RSBN1L: variants seen among roughly 807,000 people sequenced by gnomAD.
RSBN1L encodes round spermatid basic protein 1 like.
In RSBN1L, 30 loss-of-function variants were observed where a neutral mutation model predicts 67.7. That is an observed-to-expected ratio of 0.44 (90% CI 0.33 to 0.60). The LOEUF (loss-of-function observed/expected upper bound fraction) is 0.60, where lower values mean the gene tolerates loss of function less well. Ranked by LOEUF, RSBN1L falls within the 20% of genes least tolerant of loss-of-function variation. The pLI, the probability that RSBN1L is intolerant of heterozygous loss-of-function variation, is 0.02. For synonymous variants in RSBN1L, 433 were observed against 387.0 expected, an observed-to-expected ratio of 1.12 and a Z score of -1.39; for missense variants, 992 against 1,031.7, an observed-to-expected ratio of 0.96 and a Z score of 0.53.
chr7:77,773,427 G>A (rs1041578274), intron 6 of RSBN1L, 113 bp downstream of exon 6: 16 of 692,186 alleles, frequency 2.3e-5, no homozygotes, highest in East Asian at 8.8e-5. Context: ...TTTTTTACCC[G>A]TATTTGGATA....
intron 1 of RSBN1L, among the ~76,000 whole-genome samples, chr7:77,717,873 G>T (rs1045848541): frequency 4.6e-5 from 7 of 152,166 alleles, no homozygotes; most frequent in African/African-American, 1.7e-4. Context: ...ATATAAATTA[G>T]CTGGGCGTGG....
At chr7:77,712,488 A>G (rs1162705134) in intron 1 of RSBN1L, among the ~76,000 whole-genome samples, 2 of 152,120 alleles carry the variant, frequency 1.3e-5, no homozygotes, top group African/African-American at 2.4e-5. Context: ...GATGTTGGCC[A>G]GGCTGGTCTT....
chr7:77,703,620 C>G (rs1790849307), intron 1 of RSBN1L, among the ~76,000 whole-genome samples: 1 of 150,148 alleles, frequency 6.7e-6, no homozygotes, highest in East Asian at 2.0e-4. Context: ...TCCCAAGTAG[C>G]TGGAACTACA....
At chr7:77,747,446 C>T (rs879675815) in intron 2 of RSBN1L, among the ~76,000 whole-genome samples, 4 of 152,166 alleles carry the variant, frequency 2.6e-5, no homozygotes, top group East Asian at 1.9e-4. Flanking sequence ...CTGCTCTGCA[C>T]AGCCTCAGGA....
intron 2 of RSBN1L, among the ~76,000 whole-genome samples, chr7:77,743,374 G>A (rs1474407251): frequency 6.6e-6 from 1 of 151,774 alleles, no homozygotes; most frequent in Non-Finnish European, 1.5e-5. Context: ...CGAGACGGGT[G>A]GATAATCTGA....
intron 3 of RSBN1L, among the ~76,000 whole-genome samples, chr7:77,764,519 G>T (rs1350038069): frequency 6.6e-6 from 1 of 152,116 alleles, no homozygotes; most frequent in African/African-American, 2.4e-5. Flanking sequence ...AAACATTCCA[G>T]TTAAGGAAAC....
intron 4 of RSBN1L, among the ~76,000 whole-genome samples, chr7:77,767,723 C>T (rs1316921633): frequency 8.4e-6 from 1 of 119,154 alleles, no homozygotes; most frequent in Non-Finnish European, 1.8e-5. Flanking sequence ...TGTCTCTCGC[C>T]TCGCCTCCCC....
At chr7:77,758,879 A>G (rs1215441381) in intron 3 of RSBN1L, among the ~76,000 whole-genome samples, 1 of 152,228 alleles carries the variant, frequency 6.6e-6, no homozygotes, top group Non-Finnish European at 1.5e-5. Context: ...ATCAGTGTAC[A>G]TACTCTGGAA....
intron 2 of RSBN1L, among the ~76,000 whole-genome samples, chr7:77,747,943 C>G (rs975063905): frequency 5.3e-5 from 8 of 151,618 alleles, no homozygotes; most frequent in Non-Finnish European, 1.2e-4. Context: ...TCAGTCACAT[C>G]AAATGGATAG....
intron 6 of RSBN1L, among the ~76,000 whole-genome samples, chr7:77,774,759 A>G (rs1274752359): frequency 6.6e-6 from 1 of 152,200 alleles, no homozygotes; most frequent in Non-Finnish European, 1.5e-5. Flanking sequence ...ACAACAAAAA[A>G]AGATAATTTT....
rs557313211 is a variant in RSBN1L at position 77,724,432 on chromosome 7, C to CT, written c.587-11963dup. ...ATGAATCCCTTTCTTTTTCTTTTTT[C>CT]TTTTTTTTTTTTTTTGAGAGTCTCA... On this transcript the variant is annotated intron_variant, in intron 1 of 7. Transcript: ENST00000334955. 9.9e-3 allele frequency among the ~76,000 whole-genome samples: 1,346 copies of CT among 136,358 alleles called. 11 individuals are homozygous for CT. Among genetic ancestry groups the CT allele is most frequent in the African/African-American group, 0.026 (986 of 37,482 alleles). 89.5% of individuals were successfully genotyped at this position (136,358 alleles called of 152,430 possible). A position where few individuals can be genotyped will look rare whatever the true frequency, so the allele number is the denominator to read the frequency against.
intron 3 of RSBN1L, among the ~76,000 whole-genome samples, chr7:77,764,001 T>C (rs1230827657): frequency 1.3e-5 from 2 of 152,244 alleles, no homozygotes; most frequent in East Asian, 3.8e-4. Flanking sequence ...TTAAATGATT[T>C]TGTATGAAAA....
At chr7:77,743,051 C>T (rs1339037713) in intron 2 of RSBN1L, among the ~76,000 whole-genome samples, 1 of 115,132 alleles carries the variant, frequency 8.7e-6, no homozygotes, top group Admixed American at 8.3e-5. Flanking sequence ...GAATAGTTTT[C>T]CATGGGAATT....
intron 1 of RSBN1L, among the ~76,000 whole-genome samples, chr7:77,728,625 T>G (rs1266991672): frequency 6.6e-6 from 1 of 152,202 alleles, no homozygotes; most frequent in Non-Finnish European, 1.5e-5. Context: ...TCTAGCTGCC[T>G]TCAGGGCTTT....
chr7:77,704,977 CAAAA>C (rs976018709), intron 1 of RSBN1L, among the ~76,000 whole-genome samples: 2 of 115,958 alleles, frequency 1.7e-5, no homozygotes, highest in Non-Finnish European at 1.7e-5. Flanking sequence ...GAAACTGTCT[CAAAA>C]AAAAAAAAGT....
chr7:77,736,730 A>G (rs899716644), intron 2 of RSBN1L, among the ~76,000 whole-genome samples: 1 of 152,214 alleles, frequency 6.6e-6, no homozygotes, highest in Non-Finnish European at 1.5e-5. Flanking sequence ...GAGCCATTAA[A>G]AAGTTAAAAG....
chr7:77,697,035 A>G lies in RSBN1L; in HGVS notation c.566A>G (p.Glu189Gly). 6.7e-7 allele frequency: 1 copy of G among 1,502,342 alleles called. No individual in the cohort carries two copies. Among genetic ancestry groups the G allele is most frequent in the Non-Finnish European group, 8.9e-7 (1 of 1,129,176 alleles). The allele number at this position is 1,502,342 out of a possible 1,614,324, so 93.1% of individuals were successfully genotyped here. A position where few individuals can be genotyped will look rare whatever the true frequency, so the allele number is the denominator to read the frequency against. Residue 189 changes from glutamate to glycine, a missense_variant, in exon 1 of 8, where the codon GAG (glutamate) becomes GGG (glycine). By Grantham distance (98) the Glu-to-Gly change is moderately conservative. Coordinates refer to ENST00000334955, the MANE Select transcript of RSBN1L (RefSeq NM_198467.3). Reference protein sequence around the residue: ...AGGASREENGEVKPLPRDKIK... With the variant: ...AGGASREENGGVKPLPRDKIK... Reference sequence around the variant, plus strand: ...GGGGCCTCCCGGGAGGAGAACGGGGAGGTGAAGCCGCTGCCCCGAGGTGGG... The same window carrying G: ...GGGGCCTCCCGGGAGGAGAACGGGGGGGTGAAGCCGCTGCCCCGAGGTGGG...
chr7:77,768,613 A>C (rs1316887580), intron 4 of RSBN1L, 48 bp from the exon 5 acceptor site: 1 of 1,529,200 alleles, frequency 6.5e-7, no homozygotes. Flanking sequence ...ATACACTTGA[A>C]GATACATTTT....
At chr7:77,757,260 C>T (rs1260728777) in intron 3 of RSBN1L, among the ~76,000 whole-genome samples, 2 of 152,198 alleles carry the variant, frequency 1.3e-5, no homozygotes, top group South Asian at 2.1e-4. Flanking sequence ...AGGATTAAAA[C>T]ATCCCTGTTC....
Sources: allele counts gnomAD v4.1 joint callset (sites outside exome capture counted in the v4.1 genomes callset), GRCh38; gene constraint gnomAD v4.1.1; transcripts MANE v1.5; gene names NCBI Gene and HGNC (gene_info 2026-07-23, HGNC 2026-07-21).